FAM107A: variants seen among roughly 807,000 people sequenced by gnomAD.
The protein encoded by FAM107A is actin-associated protein FAM107A.
FAM107A carries 19 observed loss-of-function variants against 13.7 expected under a neutral mutation model. That is an observed-to-expected ratio of 1.38 (90% CI 0.97 to 2.03). FAM107A has a LOEUF of 2.03. FAM107A is among the 30% of genes most tolerant of loss of function. FAM107A has a pLI of 0.00. For synonymous variants in FAM107A, 82 were observed against 74.5 expected, an observed-to-expected ratio of 1.10 and a Z score of -0.52; for missense variants, 203 against 184.4, an observed-to-expected ratio of 1.10 and a Z score of -0.58.
In FAM107A at chr3:58,564,250, G is replaced by A. The variant is rs528634387; in HGVS notation, c.*2338C>T. The A allele has an allele frequency of 2.0e-4, 30 of 152,392 alleles. No homozygotes were observed. The highest frequency in any genetic ancestry group is 7.2e-4 in the African/African-American group (30 of 41,562). 9.4% of individuals were successfully genotyped at this position (152,392 alleles called of 1,614,324 possible). On this transcript the variant is annotated 3_prime_UTR_variant, in exon 4 of 4. Coordinates refer to ENST00000360997, the MANE Select transcript of FAM107A (RefSeq NM_001076778.3). This position sits in a 1 kb window ranked among gnomAD's most constrained non-coding sequence, Gnocchi z 5.6. The stretch of plus-strand genomic sequence containing the variant: ...GCCTTTTTGTCATGGTAGCAAAGTG[G>A]CTGCTGTGGCTCCAGGCATCACACC...
rs2063659843 is a variant in FAM107A, at chr3:58,569,586, G to A, written c.170+105C>T. 2.1e-6 allele frequency: 2 copies of A among 952,862 alleles called. No individual in the cohort carries two copies. Among genetic ancestry groups the A allele is most frequent in the Admixed American group, 2.3e-5 (1 of 43,196 alleles). The allele number at this position is 952,862 out of a possible 1,614,324, so 59.0% of individuals were successfully genotyped here. A position where few individuals can be genotyped will look rare whatever the true frequency, so the allele number is the denominator to read the frequency against. On this transcript the variant is annotated intron_variant, in intron 2 of 3. Coordinates refer to ENST00000360997, the MANE Select transcript of FAM107A (RefSeq NM_001076778.3). The surrounding 1 kb of genome is among the most constrained non-coding windows in gnomAD (Gnocchi z 5.7). ...CACCTCAGCCTTCCTCAGTCTCCAGGAGCCCCAGGATGAAAGCCAGCTCTG... is the reference window on the plus strand; with the variant it reads ...CACCTCAGCCTTCCTCAGTCTCCAGAAGCCCCAGGATGAAAGCCAGCTCTG...
At chr3:58,615,284 G>A (rs1380163902) in intron 1 of FAM107A, among the ~76,000 whole-genome samples, 3 of 152,156 alleles carry the variant, frequency 2.0e-5, no homozygotes, top group African/African-American at 7.2e-5. Flanking sequence ...TCTTTGGATT[G>A]TTTCTGTTGT....
At position 58,569,609 on chromosome 3, in the gene FAM107A, C is replaced by G. The variant is rs2063660132; in HGVS notation, c.170+82G>C. 1 of 1,226,390 alleles carries G rather than the reference C, an allele frequency of 8.2e-7. No homozygotes were observed. Among genetic ancestry groups the G allele is most frequent in the Non-Finnish European group, 1.1e-6 (1 of 878,374 alleles). The allele number at this position is 1,226,390 out of a possible 1,614,324, so 76.0% of individuals were successfully genotyped here. On this transcript the variant is annotated intron_variant, in intron 2 of 3. Transcript: ENST00000360997. This position sits in a 1 kb window ranked among gnomAD's most constrained non-coding sequence, Gnocchi z 5.7. ...AGGAGCCCCAGGATGAAAGCCAGCT[C>G]TGCTTTCCTCCAGGGTCACCTTCCC... is the stretch of plus-strand genomic sequence containing the variant.
chr3:58,599,671 G>A (rs973778923), intron 1 of FAM107A, among the ~76,000 whole-genome samples: 1 of 128,730 alleles, frequency 7.8e-6, no homozygotes, highest in Non-Finnish European at 1.6e-5. Flanking sequence ...AATGTGTTAA[G>A]TGGTATACTT....
At chr3:58,581,349 G>A (rs558560259), upstream of FAM107A, among the ~76,000 whole-genome samples, 120 of 152,248 alleles carry the variant, frequency 7.9e-4, no homozygotes, top group Non-Finnish European at 1.4e-3. Flanking sequence ...TGCATCTATA[G>A]TGGGCTGGGC....
chr3:58,615,214 A>G (rs1474298551), intron 1 of FAM107A, among the ~76,000 whole-genome samples: 1 of 152,200 alleles, frequency 6.6e-6, no homozygotes, highest in Non-Finnish European at 1.5e-5. Flanking sequence ...CATCTTCAAT[A>G]TCATGTATTT....
At chr3:58,609,730 A>AT (rs1242575367) in intron 1 of FAM107A, among the ~76,000 whole-genome samples, 2 of 151,894 alleles carry the variant, frequency 1.3e-5, no homozygotes, top group Non-Finnish European at 1.5e-5. Context: ...AGGGAAAGTC[A>AT]TTTTTTGGGT....
intron 1 of FAM107A, among the ~76,000 whole-genome samples, chr3:58,605,165 C>A (rs2065782439): frequency 6.6e-6 from 1 of 152,198 alleles, no homozygotes; most frequent in African/African-American, 2.4e-5. Context: ...ACCTAAGGCA[C>A]AGCTTTCTGG....
At position 58,617,324 on chromosome 3, in the gene FAM107A, C is replaced by T. The variant is rs1337959579; in HGVS notation, c.-70+10092G>A. On this transcript the variant is annotated intron_variant, in intron 1 of 3. Coordinates refer to the FAM107A transcript ENST00000465970. The surrounding 1 kb of genome is among the most constrained non-coding windows in gnomAD (Gnocchi z 4.5). Reference sequence around the variant, plus strand: ...CCGGATGGTCCCTCAAAAGGACAGACACTGCCCCATTTCTGGCTGAGCTCC... The same window carrying T: ...CCGGATGGTCCCTCAAAAGGACAGATACTGCCCCATTTCTGGCTGAGCTCC... 6.6e-6 allele frequency among the ~76,000 whole-genome samples: 1 copy of T among 152,108 alleles called. No individual in the cohort carries two copies. Among genetic ancestry groups the T allele is most frequent in the Non-Finnish European group, 1.5e-5 (1 of 68,028 alleles).
In FAM107A at chr3:58,569,570, C is replaced by G. The variant is rs2063659710; in HGVS notation, c.170+121G>C. On this transcript the variant is annotated intron_variant, in intron 2 of 3. Coordinates refer to ENST00000360997, the MANE Select transcript of FAM107A (RefSeq NM_001076778.3). The surrounding 1 kb of genome is among the most constrained non-coding windows in gnomAD (Gnocchi z 5.7). ...CGGTGATCATGTGGGGCACCTCAGCCTTCCTCAGTCTCCAGGAGCCCCAGG... is the reference window on the plus strand; with the variant it reads ...CGGTGATCATGTGGGGCACCTCAGCGTTCCTCAGTCTCCAGGAGCCCCAGG... 2.4e-6 allele frequency: 2 copies of G among 824,250 alleles called. No homozygotes were observed. Among genetic ancestry groups the G allele is most frequent in the Admixed American group, 2.4e-5 (1 of 41,960 alleles). The allele number at this position is 824,250 out of a possible 1,614,324, so 51.1% of individuals were successfully genotyped here.
rs1465609502 is a variant in FAM107A at position 58,613,733 on chromosome 3, G to A, written c.-70+13683C>T. On this transcript the variant is annotated intron_variant, in intron 1 of 3. Coordinates refer to the FAM107A transcript ENST00000465970. This position sits in a 1 kb window ranked among gnomAD's most constrained non-coding sequence, Gnocchi z 4.6. ...GGCCATATCTCCCAGGGAGAGGTGA[G>A]TCTTGGGGAGGCTCAACCCTCCCAA... 6.6e-6 allele frequency among the ~76,000 whole-genome samples: 1 copy of A among 152,164 alleles called. No individual in the cohort carries two copies. The highest frequency in any genetic ancestry group is 1.5e-5 in the Non-Finnish European group (1 of 68,026).
Position 58,617,250 on chromosome 3 carries a change from A to C in FAM107A, c.-70+10166T>G, listed in dbSNP as rs1252390586. ...GAACGTGCACCACATCATACAACTC[A>C]GAATGACCCCTACCTGTTCCCAGAG... On this transcript the variant is annotated intron_variant, in intron 1 of 3. Transcript: ENST00000465970. The surrounding 1 kb of genome is among the most constrained non-coding windows in gnomAD (Gnocchi z 4.5). 6.6e-6 allele frequency among the ~76,000 whole-genome samples: 1 copy of C among 152,154 alleles called. No homozygotes were observed. The highest frequency in any genetic ancestry group is 1.5e-5 in the Non-Finnish European group (1 of 68,014).
At chr3:58,595,472 C>G (rs1271541308) in intron 1 of FAM107A, among the ~76,000 whole-genome samples, 1 of 152,166 alleles carries the variant, frequency 6.6e-6, no homozygotes, top group Non-Finnish European at 1.5e-5. Flanking sequence ...CCTCCCTGCC[C>G]TTGCGATAAT....
chr3:58,586,879 G>A lies in FAM107A; in HGVS notation c.58C>T (p.Arg20Trp), dbSNP rs531968436. The A allele has an allele frequency of 2.9e-5, 45 of 1,533,288 alleles. No homozygotes were observed. The African/African-American group carries it at 6.0e-4, about 21-fold the overall frequency. The allele number at this position is 1,533,288 out of a possible 1,614,324, so 95.0% of individuals were successfully genotyped here. Residue 20 changes from arginine (R) to tryptophan (W), a missense_variant, in exon 1 of 4, where the codon CGG becomes TGG. By Grantham distance (101) the Arg-to-Trp change is moderately radical (BLOSUM62 -3). Transcript: ENST00000447756. Reference sequence around the variant, plus strand: ...TTACCCGACCGGAGCAGCACAGCCCGGTAGAGCCCGGTGGCATCGGAGGGC... The same window carrying A: ...TTACCCGACCGGAGCAGCACAGCCCAGTAGAGCCCGGTGGCATCGGAGGGC...
At chr3:58,606,457 C>G (rs1172362707) in intron 1 of FAM107A, among the ~76,000 whole-genome samples, 1 of 152,250 alleles carries the variant, frequency 6.6e-6, no homozygotes, top group Non-Finnish European at 1.5e-5. Flanking sequence ...CGCTGTCTTA[C>G]TCTCTTGCTC....
In FAM107A at chr3:58,585,563, A is replaced by G. The variant is rs547279309; in HGVS notation, c.79+1295T>C. ...GCGGGGACAGGCACCGCCGCTGCAGACGCGGCAGCTGGTTTGCCTCGCGCT... is the reference window on the plus strand; with the variant it reads ...GCGGGGACAGGCACCGCCGCTGCAGGCGCGGCAGCTGGTTTGCCTCGCGCT... On this transcript the variant is annotated intron_variant, in intron 1 of 3. Transcript: ENST00000447756. Among the ~76,000 whole-genome samples, 519 of 152,066 alleles carry G rather than the reference A, an allele frequency of 3.4e-3. 4 individuals are homozygous for G. Among genetic ancestry groups the G allele is most frequent in the African/African-American group, 0.012 (506 of 41,326 alleles).
chr3:58,626,311 G>A (rs1465437921), intron 1 of FAM107A, among the ~76,000 whole-genome samples: 5 of 152,148 alleles, frequency 3.3e-5, no homozygotes, highest in African/African-American at 7.2e-5. Context: ...GCAGGGGTCC[G>A]CAGAGCACAT....
In FAM107A at chr3:58,577,259, G is replaced by A. The variant is rs1193636390; in HGVS notation, c.-6+50C>T. 5 of 938,440 alleles carry A rather than the reference G, an allele frequency of 5.3e-6. No individual in the cohort carries two copies. Among genetic ancestry groups the A allele is most frequent in the Non-Finnish European group, 6.4e-6 (5 of 787,058 alleles). The allele number at this position is 938,440 out of a possible 1,614,324, so 58.1% of individuals were successfully genotyped here. On this transcript the variant is annotated intron_variant, in intron 1 of 3. Transcript: ENST00000360997. This position sits in a 1 kb window ranked among gnomAD's most constrained non-coding sequence, Gnocchi z 4.9. ...CCCTCCTTCCCTTCCACCTCCTCCC[G>A]AACGGCACCGCTCTCAACAGCAGAT...
chr3:58,585,007 A>G (rs959747914), intron 1 of FAM107A, among the ~76,000 whole-genome samples: 6 of 152,232 alleles, frequency 3.9e-5, no homozygotes. Context: ...GAACCTGGAC[A>G]CCGTCAATGG....
Sources: allele counts gnomAD v4.1 joint callset (sites outside exome capture counted in the v4.1 genomes callset), GRCh38; gene constraint gnomAD v4.1.1; non-coding constraint Gnocchi (gnomAD v3.1); transcripts MANE v1.5; gene names NCBI Gene and HGNC (gene_info 2026-07-23, HGNC 2026-07-21).